The following KIR2DL3 variants were observed in gnomAD, a reference collection of about 807,000 sequenced individuals.
KIR2DL3 encodes killer cell immunoglobulin-like receptor 2DL3.
In KIR2DL3, 39 loss-of-function variants were observed where a neutral mutation model predicts 33.8. The observed-to-expected ratio is 1.15, with a 90% CI of 0.89 to 1.51. The LOEUF (loss-of-function observed/expected upper bound fraction) is 1.51, where lower values mean the gene tolerates loss of function less well. Ranked by LOEUF, KIR2DL3 falls within the 40% of genes most tolerant of loss-of-function variation. The pLI is 0.00. For missense variants in KIR2DL3, 462 were observed against 426.2 expected (o/e 1.08, Z -0.74); for synonymous variants, 174 against 160.2 (o/e 1.09, Z -0.65).
intron 5 of KIR2DL3, among the ~76,000 whole-genome samples, chr19:54,747,995 G>T (rs2147140980): frequency 6.6e-6 from 1 of 152,224 alleles, no homozygotes; most frequent in South Asian, 2.1e-4. Flanking sequence ...ATCTTACAGT[G>T]CTGTAGCTCA....
intron 4 of KIR2DL3, among the ~76,000 whole-genome samples, chr19:54,744,952 A>ATTTTTTT (rs1158879610): frequency 7.3e-5 from 2 of 27,228 alleles, no homozygotes; most frequent in African/African-American, 1.4e-4. Flanking sequence ...ATATATATAT[A>ATTTTTTT]TATTTTTTTT....
intron 4 of KIR2DL3, among the ~76,000 whole-genome samples, chr19:54,746,403 C>A (rs2072494494): frequency 6.9e-6 from 1 of 144,714 alleles, no homozygotes. Flanking sequence ...TTGAGGTAAT[C>A]CCAATGGTCT....
Position 54,742,142 on chromosome 19 carries a change from A to C in KIR2DL3, c.233A>C (p.Asp78Ala). The change falls in exon 3 of 8, where the codon GAT becomes GCT. Residue 78 changes from aspartate (D) to alanine (A), a missense_variant. Transcript: ENST00000342376. The part of the protein sequence containing the change: ...DTLHLIGEHH[D>A]GVSKANFSIG... ...TTGCACCTCATTGGAGAGCACCATG[A>C]TGGGGTCTCCAAGGCCAACTTCTCC... 6.2e-7 allele frequency: 1 copy of C among 1,614,058 alleles called. No individual in the cohort carries two copies. Among genetic ancestry groups the C allele is most frequent in the Middle Eastern group, 1.6e-4 (1 of 6,062 alleles).
chr19:54,738,581 T>C lies in KIR2DL3; in HGVS notation c.34+2T>C. On this transcript the variant is annotated splice_donor_variant, in intron 1 of 7. Transcript: ENST00000342376. LOFTEE classifies it high-confidence loss of function. Reference sequence around the variant, plus strand: ...TGGTCGTCAGCATGGTGTGTGTTGGTGAGTCCTGGAAGGGCATCGAGGGAG... The same window carrying C: ...TGGTCGTCAGCATGGTGTGTGTTGGCGAGTCCTGGAAGGGCATCGAGGGAG... 6.2e-7 allele frequency: 1 copy of C among 1,614,086 alleles called. No homozygotes were observed. Among genetic ancestry groups the C allele is most frequent in the Non-Finnish European group, 8.5e-7 (1 of 1,180,022 alleles).
Position 54,751,921 on chromosome 19 carries a change from G to A in KIR2DL3, c.820+168G>A, listed in dbSNP as rs1283735071. 7.5e-5 allele frequency among the ~76,000 whole-genome samples: 10 copies of A among 133,416 alleles called. No homozygotes were observed. The East Asian group carries it at 1.6e-3, about 21-fold the overall frequency. The allele number at this position is 133,416 out of a possible 152,430, so 87.5% of individuals were successfully genotyped here. On this transcript the variant is annotated intron_variant, in intron 6 of 7. Transcript: ENST00000342376. ...ACCAGACTCCCTGTCCCTGCCTTCA[G>A]CTCACAGACCATTGCCTGATTCTGA...
intron 4 of KIR2DL3, among the ~76,000 whole-genome samples, chr19:54,744,870 TTATATATATATATA>T (rs1185648350): frequency 7.7e-5 from 6 of 78,426 alleles, no homozygotes; most frequent in Non-Finnish European, 1.5e-4. Context: ...ATAAATACAT[TTATATATATATATA>T]TATATATATA....
intron 4 of KIR2DL3, among the ~76,000 whole-genome samples, chr19:54,745,611 G>A (rs1162448535): frequency 3.3e-5 from 5 of 150,198 alleles, no homozygotes; most frequent in East Asian, 1.9e-4. Flanking sequence ...TGAGGTGCCC[G>A]CCTCGGTCTC....
rs1444781118 is a variant in KIR2DL3 at position 54,744,925 on chromosome 19, T to C, written c.664+837T>C. The stretch of plus-strand genomic sequence containing the variant: ...ACACACACACACATATATAAACATA[T>C]ATATATATATATATATATATATATA... On this transcript the variant is annotated intron_variant, in intron 4 of 7. Coordinates refer to ENST00000342376, the MANE Select transcript of KIR2DL3 (RefSeq NM_015868.3). Among the ~76,000 whole-genome samples the C allele has an allele frequency of 2.0e-3, 33 of 16,390 alleles. 2 individuals are homozygous for C. Among genetic ancestry groups the C allele is most frequent in the African/African-American group, 5.0e-3 (25 of 4,982 alleles). 10.8% of individuals were successfully genotyped at this position (16,390 alleles called of 152,430 possible). A position where few individuals can be genotyped will look rare whatever the true frequency, so the allele number is the denominator to read the frequency against.
chr19:54,747,973 G>A (rs1262427645), intron 5 of KIR2DL3, among the ~76,000 whole-genome samples: 25 of 152,290 alleles, frequency 1.6e-4, no homozygotes, highest in Non-Finnish European at 2.6e-4. Flanking sequence ...AAAACAAAAC[G>A]GTTTTTTAAT....
At chr19:54,749,550 G>A (rs1156835021) in intron 5 of KIR2DL3, among the ~76,000 whole-genome samples, 2 of 107,412 alleles carry the variant, frequency 1.9e-5, no homozygotes, top group East Asian at 4.3e-4. Context: ...TCAATACCTG[G>A]CAAAGGAGTG....
intron 5 of KIR2DL3, among the ~76,000 whole-genome samples, chr19:54,751,056 T>C (rs1002444288): frequency 2.3e-5 from 3 of 132,400 alleles, no homozygotes; most frequent in Non-Finnish European, 5.0e-5. Flanking sequence ...TGAGCCTGGG[T>C]AACTTCTAGA....
chr19:54,739,555 C>A lies in KIR2DL3; in HGVS notation c.70+13C>A, dbSNP rs1357505069. ...TGGCCACATGAGGGTGAGTCCTTCT[C>A]CAAACCTTCGGGTGTCATCTCCCCA... is the stretch of plus-strand genomic sequence containing the variant. On this transcript the variant is annotated intron_variant, in intron 2 of 7. Coordinates refer to ENST00000342376, the MANE Select transcript of KIR2DL3 (RefSeq NM_015868.3). 4 of 1,613,916 alleles carry A rather than the reference C, an allele frequency of 2.5e-6. No homozygotes were observed. Among genetic ancestry groups the A allele is most frequent in the Middle Eastern group, 1.6e-4 (1 of 6,084 alleles).
intron 3 of KIR2DL3, among the ~76,000 whole-genome samples, chr19:54,743,381 T>A (rs1433361181): frequency 1.3e-5 from 2 of 152,030 alleles, no homozygotes; most frequent in Non-Finnish European, 2.9e-5. Context: ...GATACATAGA[T>A]GATATATAGA....
Position 54,752,310 on chromosome 19 carries a change from C to G in KIR2DL3, c.873+42C>G, listed in dbSNP as rs372791910. 69 of 1,483,658 alleles carry G rather than the reference C, an allele frequency of 4.7e-5. 10 individuals are homozygous for G. In the South Asian group the frequency reaches 4.7e-4, roughly 10 times the overall value. 91.9% of individuals were successfully genotyped at this position (1,483,658 alleles called of 1,614,324 possible). On this transcript the variant is annotated intron_variant, in intron 7 of 7. Coordinates refer to ENST00000342376, the MANE Select transcript of KIR2DL3 (RefSeq NM_015868.3). The stretch of plus-strand genomic sequence containing the variant: ...CCAGCCTCGTGGCTAGTGTTATTCC[C>G]AAAGAGTCCTGGAAAATGTGAGCAC...
rs35719984 is a variant in KIR2DL3 at position 54,742,075 on chromosome 19, C to G, written c.166C>G (p.Gln56Glu). The change falls in exon 3 of 8, where the codon CAG (glutamine) becomes GAG (glutamate). Residue 56 changes from glutamine to glutamate, a missense_variant. By Grantham distance (29) the Gln-to-Glu change is conservative. Coordinates refer to ENST00000342376, the MANE Select transcript of KIR2DL3 (RefSeq NM_015868.3). ...GCAATGTTGGTCAGATGTCAGGTTT[C>G]AGCACTTCCTTCTGCACAGAGAAGG... ...ILQCWSDVRF[Q>E]HFLLHREGKF... 0.34 allele frequency: 545,142 copies of G among 1,600,914 alleles called. 96,585 individuals are homozygous for G. Among genetic ancestry groups the G allele is most frequent in the Middle Eastern group, 0.47 (2,796 of 6,006 alleles).
chr19:54,745,711 G>A lies in KIR2DL3; in HGVS notation c.664+1623G>A, dbSNP rs556164528. 1.8e-3 allele frequency among the ~76,000 whole-genome samples: 279 copies of A among 151,742 alleles called. 2 individuals are homozygous for A. The highest frequency in any genetic ancestry group is 6.4e-3 in the African/African-American group (266 of 41,416). ...TTCCACACTTTTCTCCGTAAAGGCT[G>A]TACTAATTTACACTCCTACCAACAG... On this transcript the variant is annotated intron_variant, in intron 4 of 7. Transcript: ENST00000342376.
intron 5 of KIR2DL3, among the ~76,000 whole-genome samples, chr19:54,748,282 T>C (rs1256314243): frequency 6.6e-6 from 1 of 151,720 alleles, no homozygotes; most frequent in African/African-American, 2.4e-5. Context: ...TTCTATTGGG[T>C]TCACCAAGAT....
chr19:54,742,814 G>A (rs1406710740), intron 3 of KIR2DL3, among the ~76,000 whole-genome samples: 3 of 150,986 alleles, frequency 2.0e-5, no homozygotes, highest in Non-Finnish European at 2.9e-5. Context: ...TGAACTTGTG[G>A]TCTCCAGACT....
chr19:54,751,998 G>A (rs1277036058), intron 6 of KIR2DL3, among the ~76,000 whole-genome samples: 1 of 135,012 alleles, frequency 7.4e-6, no homozygotes, highest in African/African-American at 2.8e-5. Context: ...AAGGTTCCAT[G>A]ACAGGCAGAA....
Sources: gnomAD v4.1 joint callset for allele counts (sites outside exome capture counted in the v4.1 genomes callset) on GRCh38, gnomAD v4.1.1 for gene constraint, MANE v1.5 for transcripts, NCBI Gene and HGNC (gene_info 2026-07-23, HGNC 2026-07-21) for gene names.